NT5DC3: variants seen among roughly 807,000 people sequenced by gnomAD.
NT5DC3 encodes the protein 5'-nucleotidase domain containing 3.
NT5DC3 carries 42 observed loss-of-function variants against 67.8 expected under a neutral mutation model. The ratio of observed to expected loss-of-function variants is 0.62; its 90% confidence interval spans 0.48 to 0.80. The LOEUF is 0.80. Among genes scored for constraint, NT5DC3 ranks in the 30% least tolerant of loss-of-function variants. NT5DC3 has a pLI of 0.00. For missense variants in NT5DC3, 570 were observed against 696.4 expected (o/e 0.82, Z 2.04); for synonymous variants, 237 against 255.6 (o/e 0.93, Z 0.69).
At chr12:103,791,022 C>G (rs1180725253) in intron 9 of NT5DC3, among the ~76,000 whole-genome samples, 2 of 152,134 alleles carry the variant, frequency 1.3e-5, no homozygotes, top group African/African-American at 4.8e-5. Flanking sequence ...CATAATACCC[C>G]CTCACATGGC....
chr12:103,782,987 AAAAC>A (rs894322949), intron 12 of NT5DC3, among the ~76,000 whole-genome samples: 8 of 152,332 alleles, frequency 5.3e-5, no homozygotes, highest in African/African-American at 7.2e-5. Flanking sequence ...CTCCATCTCA[AAAAC>A]AAACAAACAA....
chr12:103,755,111 T>C, the NT5DC3 span: 1 of 671,472 alleles, frequency 1.5e-6, no homozygotes, highest in African/African-American at 1.8e-5. Context: ...GAGGACACTT[T>C]TGTTCACCCA....
the NT5DC3 span, among the ~76,000 whole-genome samples, chr12:103,757,713 A>G: frequency 6.6e-6 from 1 of 152,250 alleles, no homozygotes; most frequent in Non-Finnish European, 1.5e-5. Flanking sequence ...CGTGCCAGGC[A>G]AGTCTGAGGA....
intron 1 of NT5DC3, 67 bp downstream of exon 1, chr12:103,840,882 G>T: frequency 1.0e-6 from 1 of 974,350 alleles, no homozygotes; most frequent in Non-Finnish European, 1.4e-6. Context: ...GTCCTAGGGC[G>T]CCCGCTTCCC....
the NT5DC3 span, chr12:103,762,183 C>T: frequency 6.5e-7 from 1 of 1,549,636 alleles, no homozygotes; most frequent in Non-Finnish European, 8.7e-7. Context: ...TTTATCCCCA[C>T]TGGCTCCAGA....
At chr12:103,820,477 CT>C (rs1438771471) in intron 1 of NT5DC3, among the ~76,000 whole-genome samples, 1 of 152,158 alleles carries the variant, frequency 6.6e-6, no homozygotes, top group Non-Finnish European at 1.5e-5. Flanking sequence ...ACACTTTCCA[CT>C]TATTCAAGGA....
At chr12:103,761,528 C>T in the NT5DC3 span, 1 of 851,504 alleles carries the variant, frequency 1.2e-6, no homozygotes, top group Admixed American at 2.6e-5. Flanking sequence ...ACTGGAGGAG[C>T]CTCCAGCCTC....
At chr12:103,755,500 C>T in the NT5DC3 span, 7 of 1,610,720 alleles carry the variant, frequency 4.3e-6, no homozygotes, top group Admixed American at 8.3e-5. Context: ...AGGTTCTGGG[C>T]CACACAGCTG....
Position 103,772,982 on chromosome 12 carries a change from T to G in NT5DC3, c.*4847A>C, listed in dbSNP as rs1043469. ...AATTACAAACTAATGCAATGAGAGG[T>G]ATATTCAACAAGTGTCTGAGCCTGA... On this transcript the variant is annotated 3_prime_UTR_variant, in exon 14 of 14. Transcript: ENST00000392876. 10,076 of 152,022 alleles carry G rather than the reference T, an allele frequency of 0.066. 404 individuals are homozygous for G. Among genetic ancestry groups the G allele is most frequent in the Middle Eastern group, 0.075 (22 of 294 alleles). The allele number at this position is 152,022 out of a possible 1,614,324, so 9.4% of individuals were successfully genotyped here. A position where few individuals can be genotyped will look rare whatever the true frequency, so the allele number is the denominator to read the frequency against.
intron 1 of NT5DC3, among the ~76,000 whole-genome samples, chr12:103,830,034 T>C (rs530795894): frequency 2.0e-5 from 3 of 152,348 alleles, no homozygotes; most frequent in South Asian, 2.1e-4. Flanking sequence ...AGTCTCCTAG[T>C]CCTTTGTAGT....
chr12:103,755,631 G>A, the NT5DC3 span: 27 of 1,614,060 alleles, frequency 1.7e-5, no homozygotes, highest in South Asian at 2.9e-4. Context: ...GCACCTGCAA[G>A]GTGGGCTATG....
rs766607290 is a variant in NT5DC3, at chr12:103,794,148, C to CTTTTTTTTTTTTTTTTTTTTT, written c.754-152_754-151insAAAAAAAAAAAAAAAAAAAAA. On this transcript the variant is annotated intron_variant, in intron 6 of 13. Transcript: ENST00000392876. ...AATCTAAATTCTGGTCCATTTTCTTCTTCTTTTTTTTTTTTTTTTGAGACA... is the reference window on the plus strand; with the variant it reads ...AATCTAAATTCTGGTCCATTTTCTTCTTTTTTTTTTTTTTTTTTTTTTTCTTTTTTTTTTTTTTTTGAGACA... 8.6e-6 allele frequency: 4 copies of CTTTTTTTTTTTTTTTTTTTTT among 462,632 alleles called. 1 individual carries two copies. The highest frequency in any genetic ancestry group is 2.1e-5 in the African/African-American group (1 of 47,506). The allele number at this position is 462,632 out of a possible 1,614,324, so 28.7% of individuals were successfully genotyped here.
intron 2 of NT5DC3, among the ~76,000 whole-genome samples, chr12:103,810,842 T>G (rs1886998129): frequency 6.6e-6 from 1 of 152,210 alleles, no homozygotes; most frequent in African/African-American, 2.4e-5. Context: ...GTTACAACAC[T>G]GCTGTGGGTT....
chr12:103,765,197 T>C, the NT5DC3 span, among the ~76,000 whole-genome samples: 3 of 150,618 alleles, frequency 2.0e-5, no homozygotes, highest in Non-Finnish European at 4.4e-5. Context: ...CAGAAACAAA[T>C]GCATACATCC....
At chr12:103,792,937 G>A (rs1430854036) in intron 9 of NT5DC3, among the ~76,000 whole-genome samples, 1 of 152,104 alleles carries the variant, frequency 6.6e-6, no homozygotes, top group Admixed American at 6.6e-5. Context: ...CTACCTCATG[G>A]GTCTGAAGTA....
chr12:103,826,160 T>C (rs1016407615), intron 1 of NT5DC3, among the ~76,000 whole-genome samples: 1 of 152,222 alleles, frequency 6.6e-6, no homozygotes. Context: ...CAGCATAATC[T>C]GGGAAACCTC....
intron 1 of NT5DC3, among the ~76,000 whole-genome samples, chr12:103,839,709 C>T (rs1888299583): frequency 6.6e-6 from 1 of 152,188 alleles, no homozygotes; most frequent in Non-Finnish European, 1.5e-5. Context: ...CTTCTTTCCA[C>T]CATACCACAC....
chr12:103,837,482 C>T (rs548812908), intron 1 of NT5DC3, among the ~76,000 whole-genome samples: 28 of 152,306 alleles, frequency 1.8e-4, no homozygotes, highest in Admixed American at 3.9e-4. Flanking sequence ...TGCAAATTTT[C>T]GGAGCTTTTA....
In NT5DC3 at chr12:103,774,684, C is replaced by CAAAAAAA. The variant is rs762200303; in HGVS notation, c.*3138_*3144dup. 1.4e-4 allele frequency: 7 copies of CAAAAAAA among 51,272 alleles called. No individual in the cohort carries two copies. The highest frequency in any genetic ancestry group is 6.6e-4 in the East Asian group (1 of 1,514). The allele number at this position is 51,272 out of a possible 1,614,324, so 3.2% of individuals were successfully genotyped here. ...GGGCAAAAAGAGCAAAACTAAATCT[C>CAAAAAAA]AAAAAAAAAAAAAAAAAAAAAGAGA... On this transcript the variant is annotated 3_prime_UTR_variant, in exon 14 of 14. Coordinates refer to ENST00000392876, the MANE Select transcript of NT5DC3 (RefSeq NM_001031701.3).
Sources: gnomAD v4.1 joint callset for allele counts (sites outside exome capture counted in the v4.1 genomes callset) on GRCh38, gnomAD v4.1.1 for gene constraint, MANE v1.5 for transcripts, NCBI Gene and HGNC (gene_info 2026-07-23, HGNC 2026-07-21) for gene names.